The following RIF1 variants were observed in gnomAD, a reference collection of about 807,000 sequenced individuals.
RIF1 encodes the protein telomere-associated protein RIF1.
A neutral mutation model predicts 247.1 loss-of-function variants in RIF1; 45 were observed. The observed-to-expected ratio is 0.18, with a 90% CI of 0.14 to 0.23. The LOEUF is 0.23. Among genes scored for constraint, RIF1 ranks in the 10% least tolerant of loss-of-function variants. RIF1 has a pLI of 1.00. For missense variants in RIF1, 2,967 were observed against 2,862.5 expected (o/e 1.04, Z -0.83); for synonymous variants, 1,087 against 978.8 (o/e 1.11, Z -2.06).
At chr2:151,445,257 T>C (rs887459225) in intron 18 of RIF1, 81 bp from the exon 19 acceptor site, 25 of 846,070 alleles carry the variant, frequency 3.0e-5, no homozygotes, top group Non-Finnish European at 5.0e-5. Flanking sequence ...TTTTGCCCAC[T>C]ACTTATAAAT....
chr2:151,474,353 A>G (rs1215443400), intron 35 of RIF1, among the ~76,000 whole-genome samples: 2 of 152,152 alleles, frequency 1.3e-5, no homozygotes, highest in Non-Finnish European at 1.5e-5. Flanking sequence ...CTTTAATAGC[A>G]CAGAATAATC....
At position 151,433,234 on chromosome 2, in the gene RIF1, A is replaced by G. The variant is rs199600446; in HGVS notation, c.1077+6A>G. On this transcript the variant is annotated splice_donor_region_variant and intron_variant, in intron 10 of 35. Transcript: ENST00000444746. ...TTCCTGCTAATTTTGAACAGGTAAC[A>G]TTACAAGTGTTGACTATAGCACTTT... The G allele has an allele frequency of 6.2e-7, 1 of 1,607,256 alleles. No homozygotes were observed. The highest frequency in any genetic ancestry group is 1.1e-5 in the South Asian group (1 of 90,788).
intron 21 of RIF1, among the ~76,000 whole-genome samples, chr2:151,454,265 A>G (rs987130463): frequency 2.6e-5 from 4 of 152,178 alleles, no homozygotes; most frequent in African/African-American, 9.7e-5. Context: ...TTTTTGGGCA[A>G]GGGCTATGTG....
chr2:151,518,901 T>C, the RIF1 span: 1 of 1,103,926 alleles, frequency 9.1e-7, no homozygotes, highest in Admixed American at 1.8e-5. Flanking sequence ...GCATCTGGGC[T>C]CAGAAAGAAT....
chr2:151,508,668 T>TTGA (rs1327540691), downstream of RIF1, among the ~76,000 whole-genome samples: 2 of 152,234 alleles, frequency 1.3e-5, no homozygotes, highest in Non-Finnish European at 2.9e-5. Context: ...AATATGGCTC[T>TTGA]TGATGCTGCA....
rs1279935080 is a variant in RIF1 at position 151,480,091 on chromosome 2, T to C, written c.*5020T>C. ...GGTCCTAATCATTTTTTTCTTTACA[T>C]ACTAAGCCTTCCTTTCTCCAAAGAA... is the stretch of plus-strand genomic sequence containing the variant. On this transcript the variant is annotated 3_prime_UTR_variant, in exon 36 of 36. Coordinates refer to ENST00000444746, the MANE Select transcript of RIF1 (RefSeq NM_018151.5). 6.6e-6 allele frequency: 1 copy of C among 152,214 alleles called. No individual in the cohort carries two copies. Among genetic ancestry groups the C allele is most frequent in the Non-Finnish European group, 1.5e-5 (1 of 68,012 alleles). The allele number at this position is 152,214 out of a possible 1,614,324, so 9.4% of individuals were successfully genotyped here. A position where few individuals can be genotyped will look rare whatever the true frequency, so the allele number is the denominator to read the frequency against.
At chr2:151,442,933 G>T (rs988051477) in intron 16 of RIF1, among the ~76,000 whole-genome samples, 1 of 151,610 alleles carries the variant, frequency 6.6e-6, no homozygotes, top group Non-Finnish European at 1.5e-5. Context: ...CACCCTGCCC[G>T]GCTAGTTTTT....
intron 10 of RIF1, chr2:151,497,359 G>A: frequency 1.0e-6 from 1 of 982,104 alleles, no homozygotes; most frequent in African/African-American, 1.8e-5. Context: ...GAACTCAGTG[G>A]TGTTATCCAC....
chr2:151,493,191 G>T, intron 9 of RIF1: 1 of 584,930 alleles, frequency 1.7e-6, no homozygotes, highest in Non-Finnish European at 3.0e-6. Flanking sequence ...TTGAATAAGT[G>T]CAAATTTTTA....
rs1696651671 is a variant in RIF1 at position 151,464,678 on chromosome 2, C to T, written c.5158C>T (p.His1720Tyr). 1 of 1,612,654 alleles carries T rather than the reference C, an allele frequency of 6.2e-7. No individual in the cohort carries two copies. Among genetic ancestry groups the T allele is most frequent in the African/African-American group, 1.3e-5 (1 of 74,956 alleles). Residue 1720 changes from histidine to tyrosine, a missense_variant, in exon 30 of 36, where the codon CAC becomes TAC. His to Tyr is a moderately conservative substitution (Grantham distance 83). This residue lies in a region of RIF1 where 2,028 missense variants were observed against 1,825.6 expected (regional missense o/e 1.11). Transcript: ENST00000444746. ...AACTTTTCAAACACTTGAATGCCAA[C>T]ACAAGAGAAGTAGGAGGGTGAGGAG... ...EKTFQTLECQ[H>Y]KRSRRVRRSK...
Position 151,450,662 on chromosome 2 carries a change from C to T in RIF1, c.2245-944C>T, listed in dbSNP as rs142966735. On this transcript the variant is annotated intron_variant, in intron 20 of 35. Transcript: ENST00000444746. ...GCAATGGTGTGAACTCGGCTCACTGCAGCCTCCGCCTCCCGGGTTCAAGCA... is the reference window on the plus strand; with the variant it reads ...GCAATGGTGTGAACTCGGCTCACTGTAGCCTCCGCCTCCCGGGTTCAAGCA... Among the ~76,000 whole-genome samples, 23 of 152,186 alleles carry T rather than the reference C, an allele frequency of 1.5e-4. No homozygotes were observed. The East Asian group carries it at 4.5e-3, about 29-fold the overall frequency.
chr2:151,526,075 G>A, the RIF1 span: 1 of 1,612,934 alleles, frequency 6.2e-7, no homozygotes, highest in Middle Eastern at 1.6e-4. Flanking sequence ...TGTTCTGGGG[G>A]AATCCATAGA....
At chr2:151,524,040 G>A in the RIF1 span, among the ~76,000 whole-genome samples, 1 of 152,150 alleles carries the variant, frequency 6.6e-6, no homozygotes, top group Non-Finnish European at 1.5e-5. Flanking sequence ...AGGATCTCAT[G>A]AACTGATGTT....
the RIF1 span, among the ~76,000 whole-genome samples, chr2:151,521,409 A>C: frequency 6.8e-6 from 1 of 148,018 alleles, no homozygotes; most frequent in Non-Finnish European, 1.5e-5. Context: ...CACTCTCAAC[A>C]TAAAGAAGTG....
chr2:151,453,612 ACTTT>A (rs934771613), intron 21 of RIF1, among the ~76,000 whole-genome samples: 6 of 147,362 alleles, frequency 4.1e-5, no homozygotes, highest in Non-Finnish European at 8.9e-5. Context: ...AGGCAATTTT[ACTTT>A]CTTAGAGTCT....
chr2:151,451,676 A>G lies in RIF1; in HGVS notation c.2315A>G (p.Tyr772Cys), dbSNP rs753602623. 3.5e-6 allele frequency: 5 copies of G among 1,442,538 alleles called. No individual in the cohort carries two copies. The highest frequency in any genetic ancestry group is 2.3e-5 in the South Asian group (2 of 87,314). 89.4% of individuals were successfully genotyped at this position (1,442,538 alleles called of 1,614,324 possible). Residue 772 changes from tyrosine (Y) to cysteine (C), a missense_variant, in exon 21 of 36, where the codon TAT becomes TGT. Coordinates refer to ENST00000444746, the MANE Select transcript of RIF1 (RefSeq NM_018151.5). ...VMVDCIDFSP[Y>C]NIKYQPKVKS... Reference sequence around the variant, plus strand: ...GTTGATTGCATTGACTTCTCACCATATAATATTAAATATCAGCCCAAAGTT... The same window carrying G: ...GTTGATTGCATTGACTTCTCACCATGTAATATTAAATATCAGCCCAAAGTT...
At chr2:151,428,090 G>A (rs1689443057) in intron 8 of RIF1, among the ~76,000 whole-genome samples, 1 of 151,808 alleles carries the variant, frequency 6.6e-6, no homozygotes, top group Non-Finnish European at 1.5e-5. Flanking sequence ...TTAGCTGGGC[G>A]TGGTAGTATT....
chr2:151,425,197 A>T (rs1040611955), intron 8 of RIF1, among the ~76,000 whole-genome samples: 1 of 151,700 alleles, frequency 6.6e-6, no homozygotes, highest in African/African-American at 2.4e-5. Flanking sequence ...TGTTTGTTTC[A>T]TTGTCTGTGG....
In RIF1 at chr2:151,463,102, T is replaced by C. The variant is rs1292158070; in HGVS notation, c.3582T>C (p.Ser1194=). 1.2e-6 allele frequency: 2 copies of C among 1,613,982 alleles called. No homozygotes were observed. Among genetic ancestry groups the C allele is most frequent in the South Asian group, 1.1e-5 (1 of 91,070 alleles). The change falls in exon 30 of 36, where the codon TCT becomes TCC. Residue 1194 remains serine (S), a synonymous_variant. Transcript: ENST00000444746. ...AATGTGCATCTAGTACAGAAAATTC[T>C]TTCGTTGTCAGCAGTAGTTCAGTTT... ...STECASSTEN[S]FVVSSSSVSN...
Sources: allele counts gnomAD v4.1 joint callset (sites outside exome capture counted in the v4.1 genomes callset), GRCh38; gene constraint gnomAD v4.1.1; regional missense constraint gnomAD v4.1.1; transcripts MANE v1.5; gene names NCBI Gene and HGNC (gene_info 2026-07-23, HGNC 2026-07-21).